PPIG: variants seen among roughly 807,000 people sequenced by gnomAD.
The protein encoded by PPIG is peptidyl-prolyl cis-trans isomerase G.
PPIG carries 26 observed loss-of-function variants against 87.9 expected under a neutral mutation model. That is an observed-to-expected ratio of 0.30 (90% CI 0.22 to 0.41). The LOEUF is 0.41. Ranked by LOEUF, PPIG falls within the 10% of genes least tolerant of loss-of-function variation. The pLI is 1.00. For synonymous variants in PPIG, 308 were observed against 276.5 expected (o/e 1.11, Z -1.13); for missense variants, 722 against 879.4 (o/e 0.82, Z 2.26).
intron 9 of PPIG, among the ~76,000 whole-genome samples, chr2:169,623,323 A>G (rs1685804088): frequency 6.6e-6 from 1 of 152,228 alleles, no homozygotes. Flanking sequence ...AGTTCACTGC[A>G]GTTGTTAACC....
At chr2:169,615,300 GC>G (rs1379041673) in intron 9 of PPIG, among the ~76,000 whole-genome samples, 2 of 152,122 alleles carry the variant, frequency 1.3e-5, no homozygotes, top group African/African-American at 4.8e-5. Flanking sequence ...GCCTGCCTTG[GC>G]CCCCCAAAGT....
chr2:169,606,196 T>G (rs1350106388), intron 5 of PPIG, 50 bp downstream of exon 5: 1 of 1,346,024 alleles, frequency 7.4e-7, no homozygotes, highest in Non-Finnish European at 1.1e-6. Context: ...ATCACAGATC[T>G]CAAAGTTAGA....
chr2:169,618,175 A>G (rs2105504298), intron 9 of PPIG, among the ~76,000 whole-genome samples: 1 of 152,320 alleles, frequency 6.6e-6, no homozygotes, highest in Admixed American at 6.5e-5. Flanking sequence ...ATGTATGTTG[A>G]ACCATTCTTG....
intron 13 of PPIG, 86 bp downstream of exon 13, chr2:169,636,314 T>C (rs1686179313): frequency 1.4e-6 from 2 of 1,477,848 alleles, no homozygotes; most frequent in East Asian, 4.6e-5. Flanking sequence ...TTTTAGTTAT[T>C]GCTGAATACC....
In PPIG at chr2:169,636,720, A is replaced by G. The variant is rs193182152; in HGVS notation, c.1462A>G (p.Arg488Gly). 2.2e-5 allele frequency: 35 copies of G among 1,612,186 alleles called. No homozygotes were observed. Among genetic ancestry groups the G allele is most frequent in the Non-Finnish European group, 2.8e-5 (33 of 1,179,592 alleles). The change falls in exon 14 of 14, where the codon AGG (arginine) becomes GGG (glycine). Residue 488 changes from arginine (R) to glycine (G), a missense_variant. Arg to Gly is a moderately radical substitution (Grantham distance 125). Coordinates refer to ENST00000260970, the MANE Select transcript of PPIG (RefSeq NM_004792.3). ...NRNEEKRMRS[R>G]SKGRDHENVK... ...AAATGAAGAAAAGAGGATGAGGTCA[A>G]GGAGTAAAGGAAGGGATCATGAAAA...
chr2:169,621,256 C>T (rs903459568), intron 9 of PPIG, among the ~76,000 whole-genome samples: 1 of 151,346 alleles, frequency 6.6e-6, no homozygotes, highest in African/African-American at 2.4e-5. Flanking sequence ...TTAAAACATC[C>T]GAGATGGGCA....
chr2:169,628,534 A>C (rs11686472), intron 9 of PPIG, among the ~76,000 whole-genome samples: 1 of 152,082 alleles, frequency 6.6e-6, no homozygotes, highest in African/African-American at 2.4e-5. Context: ...TGATTCAGGC[A>C]CAGCAGCACA....
At chr2:169,587,506 C>T (rs1684735065) in intron 1 of PPIG, among the ~76,000 whole-genome samples, 1 of 152,136 alleles carries the variant, frequency 6.6e-6, no homozygotes, top group African/African-American at 2.4e-5. Context: ...TCCCAAAGTG[C>T]TAGTATTACA....
intron 9 of PPIG, among the ~76,000 whole-genome samples, chr2:169,618,878 T>C (rs762901576): frequency 1.3e-5 from 2 of 152,030 alleles, no homozygotes; most frequent in Non-Finnish European, 2.9e-5. Flanking sequence ...TCGGTTCTGC[T>C]CTGATCTTAG....
At chr2:169,598,620 T>C (rs1430799773) in intron 1 of PPIG, among the ~76,000 whole-genome samples, 1 of 152,082 alleles carries the variant, frequency 6.6e-6, no homozygotes, top group East Asian at 1.9e-4. Flanking sequence ...CAAAATAAGT[T>C]AACATTTACA....
At chr2:169,601,420 TA>T (rs1332051275) in intron 1 of PPIG, among the ~76,000 whole-genome samples, 1 of 152,192 alleles carries the variant, frequency 6.6e-6, no homozygotes, top group Non-Finnish European at 1.5e-5. Flanking sequence ...AAGATGGATA[TA>T]AAAATTGAAT....
rs1462959751 is a variant in PPIG, at chr2:169,590,558, C to T, written c.-70+6068C>T. On this transcript the variant is annotated intron_variant, in intron 1 of 13. Transcript: ENST00000260970. ...TCGGGAGGCTGAGGCAGAAGAATGG[C>T]GTGAACCCGGGAGGCGGAGCTTGCA... Among the ~76,000 whole-genome samples the T allele has an allele frequency of 2.6e-5, 4 of 152,044 alleles. No individual in the cohort carries two copies. In the East Asian group the frequency reaches 5.8e-4, roughly 22 times the overall value.
chr2:169,595,231 A>G (rs1000490046), intron 1 of PPIG, among the ~76,000 whole-genome samples: 2 of 152,094 alleles, frequency 1.3e-5, no homozygotes, highest in African/African-American at 2.4e-5. Flanking sequence ...ATTCATTTTT[A>G]TAGTAAGTTT....
intron 7 of PPIG, among the ~76,000 whole-genome samples, chr2:169,611,927 G>A (rs918323660): frequency 6.6e-6 from 1 of 152,014 alleles, no homozygotes; most frequent in African/African-American, 2.4e-5. Context: ...TAGAAGATTT[G>A]CCATTTTAAC....
intron 1 of PPIG, among the ~76,000 whole-genome samples, chr2:169,592,463 C>A (rs957970946): frequency 2.0e-5 from 3 of 152,002 alleles, no homozygotes; most frequent in African/African-American, 7.3e-5. Flanking sequence ...CACCACCACG[C>A]CCAACTAATT....
At chr2:169,618,365 C>T (rs193256835) in intron 9 of PPIG, among the ~76,000 whole-genome samples, 81 of 152,256 alleles carry the variant, frequency 5.3e-4, no homozygotes, top group African/African-American at 1.9e-3. Flanking sequence ...ATGCTGGCCT[C>T]ATAAAATGAG....
chr2:169,608,780 A>T (rs557162312), intron 7 of PPIG, 22 bp downstream of exon 7: 3 of 1,544,556 alleles, frequency 1.9e-6, no homozygotes, highest in African/African-American at 2.7e-5. Flanking sequence ...TTATCTGATG[A>T]TTTAAAACAT....
chr2:169,604,153 G>A, intron 3 of PPIG, 34 bp from the exon 4 acceptor site: 3 of 1,608,382 alleles, frequency 1.9e-6, no homozygotes, highest in Non-Finnish European at 2.6e-6. Context: ...TTTTAAATTA[G>A]TAAAGAAGTT....
chr2:169,599,230 A>G (rs1275177564), intron 1 of PPIG, among the ~76,000 whole-genome samples: 1 of 152,180 alleles, frequency 6.6e-6, no homozygotes, highest in Non-Finnish European at 1.5e-5. Flanking sequence ...TTGGTGAAAA[A>G]ATGTTACGTT....
Sources: gnomAD v4.1 joint callset for allele counts (sites outside exome capture counted in the v4.1 genomes callset) on GRCh38, gnomAD v4.1.1 for gene constraint, MANE v1.5 for transcripts, NCBI Gene and HGNC (gene_info 2026-07-23, HGNC 2026-07-21) for gene names.